Variants in MAP3K3 observed in about 807,000 individuals in gnomAD.
The protein encoded by MAP3K3 is MAP/ERK kinase kinase 3.
Under a neutral mutation model 80.9 loss-of-function variants are expected in MAP3K3, and 12 were observed. The ratio of observed to expected loss-of-function variants is 0.15; its 90% confidence interval spans 0.10 to 0.24. MAP3K3 has a LOEUF of 0.24. MAP3K3 is among the 10% of genes least tolerant of loss of function. The probability of loss-of-function intolerance (pLI) is 1.00; values close to 1 mark genes in which losing one functional copy is unlikely to be tolerated. For missense variants in MAP3K3, 596 were observed against 834.7 expected, an observed-to-expected ratio of 0.71 and a Z score of 3.52; for synonymous variants, 272 against 307.1, an observed-to-expected ratio of 0.89 and a Z score of 1.19.
rs141843869 is a variant in MAP3K3 at position 63,675,228 on chromosome 17, T to C, written c.503-6538T>C. 5.4e-3 allele frequency among the ~76,000 whole-genome samples: 821 copies of C among 152,000 alleles called. 5 individuals are homozygous for C. The highest frequency in any genetic ancestry group is 0.018 in the African/African-American group (750 of 41,344). The stretch of plus-strand genomic sequence containing the variant: ...TACAGAGTGTGGTCCACTGTGAGCA[T>C]ATTGGTAAATATTAGTTAAGATTTT... On this transcript the variant is annotated intron_variant, in intron 6 of 15. Coordinates refer to ENST00000361733, the MANE Select transcript of MAP3K3 (RefSeq NM_002401.5).
intron 7 of MAP3K3, among the ~76,000 whole-genome samples, chr17:63,683,992 AC>A (rs1346285709): frequency 6.6e-6 from 1 of 151,898 alleles, no homozygotes; most frequent in Non-Finnish European, 1.5e-5. Context: ...CCCTGTCTCT[AC>A]AAAAAAAAAA....
At chr17:63,644,271 A>G (rs1479882875) in intron 2 of MAP3K3, among the ~76,000 whole-genome samples, 2 of 152,136 alleles carry the variant, frequency 1.3e-5, no homozygotes, top group Admixed American at 6.5e-5. Context: ...CTGGAGTGCA[A>G]CAGCATTGTC....
chr17:63,676,137 C>T (rs1170635878), intron 6 of MAP3K3, among the ~76,000 whole-genome samples: 4 of 152,218 alleles, frequency 2.6e-5, no homozygotes, highest in Non-Finnish European at 5.9e-5. Context: ...GCACAATAGC[C>T]GCTGGCACAT....
Position 63,691,696 on chromosome 17 carries a change from C to T in MAP3K3, c.1345-37C>T. The T allele has an allele frequency of 6.2e-7, 1 of 1,603,206 alleles. No individual in the cohort carries two copies. Among genetic ancestry groups the T allele is most frequent in the Non-Finnish European group, 8.5e-7 (1 of 1,172,232 alleles). On this transcript the variant is annotated intron_variant, in intron 13 of 15. Coordinates refer to ENST00000361733, the MANE Select transcript of MAP3K3 (RefSeq NM_002401.5). This position sits in a 1 kb window ranked among gnomAD's most constrained non-coding sequence, Gnocchi z 4.8. ...TGGGCTTGCCCCTCCACCAGCCCTC[C>T]CCTGAGGGGACTCCTCTGACTTCTT...
chr17:63,626,068 C>T lies in MAP3K3; in HGVS notation c.4+3305C>T, dbSNP rs12602656. Among the ~76,000 whole-genome samples, 5 of 152,180 alleles carry T rather than the reference C, an allele frequency of 3.3e-5. No individual in the cohort carries two copies. In the East Asian group the frequency reaches 9.7e-4, roughly 29 times the overall value. On this transcript the variant is annotated intron_variant, in intron 1 of 15. Coordinates refer to ENST00000361733, the MANE Select transcript of MAP3K3 (RefSeq NM_002401.5). ...AGCCCAGGCAACAAGAGTGAGAGAC[C>T]CTGTCTCTAAAACAAAAAACAAACA...
intron 4 of MAP3K3, among the ~76,000 whole-genome samples, chr17:63,657,309 G>A (rs2034790973): frequency 6.6e-6 from 1 of 152,008 alleles, no homozygotes; most frequent in South Asian, 2.1e-4. Context: ...TGGGTACTGA[G>A]GTATGCTACA....
rs759020124 is a variant in MAP3K3 at position 63,693,786 on chromosome 17, G to A, written c.*9G>A. 1.8e-5 allele frequency: 28 copies of A among 1,591,076 alleles called. No individual in the cohort carries two copies. The East Asian group carries it at 4.9e-4, about 28-fold the overall frequency. On this transcript the variant is annotated 3_prime_UTR_variant, in exon 16 of 16. Coordinates refer to ENST00000361733, the MANE Select transcript of MAP3K3 (RefSeq NM_002401.5). The surrounding 1 kb of genome is among the most constrained non-coding windows in gnomAD (Gnocchi z 4.2). ...CACAGCTCATGTACTGAGCTCTCAC[G>A]GCCACACAGCTGCCGGTCGCCCTTT...
chr17:63,634,727 A>T lies in MAP3K3; in HGVS notation c.126+1925A>T, dbSNP rs541253213. Reference sequence around the variant, plus strand: ...TTTAAAGAAAAAACACAACAGCAGCAGCTCAGCCCTTCTGAACAGCCCCAC... The same window carrying T: ...TTTAAAGAAAAAACACAACAGCAGCTGCTCAGCCCTTCTGAACAGCCCCAC... On this transcript the variant is annotated intron_variant, in intron 2 of 15. Transcript: ENST00000361733. 1.4e-4 allele frequency: 231 copies of T among 1,613,394 alleles called. 6 individuals are homozygous for T. In the South Asian group the frequency reaches 2.2e-3, roughly 16 times the overall value.
At chr17:63,664,997 T>TGA (rs141366842) in intron 5 of MAP3K3, among the ~76,000 whole-genome samples, 3,371 of 152,202 alleles carry the variant, frequency 0.022, 128 homozygotes, top group African/African-American at 0.077. Flanking sequence ...TCTGTTGATC[T>TGA]GAGGTGTCAA....
chr17:63,665,273 C>T (rs1350896289), intron 5 of MAP3K3, among the ~76,000 whole-genome samples: 1 of 152,032 alleles, frequency 6.6e-6, no homozygotes, highest in African/African-American at 2.4e-5. Flanking sequence ...TCATGCCCTT[C>T]TTCTGCCTCA....
intron 6 of MAP3K3, among the ~76,000 whole-genome samples, chr17:63,676,610 C>T (rs1241466939): frequency 6.6e-6 from 1 of 152,174 alleles, no homozygotes; most frequent in Non-Finnish European, 1.5e-5. Context: ...CCCACTGTAG[C>T]TAGTTTCAGG....
chr17:63,670,602 A>AG, intron 6 of MAP3K3, among the ~76,000 whole-genome samples: 12 of 149,936 alleles, frequency 8.0e-5, no homozygotes, highest in African/African-American at 2.7e-4. Context: ...AAAAAAAAAA[A>AG]AAAAAAGAAA....
In MAP3K3 at chr17:63,687,564, C is replaced by G. The variant is rs192258956; in HGVS notation, c.711-963C>G. ...AATTAGCTGGGCATGGTGGCACATG[C>G]CTGTAGTCCCAGCTACTTGGGAGGC... On this transcript the variant is annotated intron_variant, in intron 8 of 15. Coordinates refer to ENST00000361733, the MANE Select transcript of MAP3K3 (RefSeq NM_002401.5). 8.5e-3 allele frequency among the ~76,000 whole-genome samples: 1,273 copies of G among 150,264 alleles called. 22 individuals are homozygous for G. The highest frequency in any genetic ancestry group is 0.029 in the African/African-American group (1,198 of 40,952).
chr17:63,674,065 G>A (rs533770115), intron 6 of MAP3K3, among the ~76,000 whole-genome samples: 37 of 150,744 alleles, frequency 2.5e-4, no homozygotes, highest in African/African-American at 9.0e-4. Context: ...AGGCAACAGA[G>A]TGAGACTCTG....
intron 2 of MAP3K3, chr17:63,636,893 C>A: frequency 2.2e-6 from 1 of 454,658 alleles, no homozygotes; most frequent in Non-Finnish European, 4.2e-6. Context: ...GACAATGAGA[C>A]CAATATAGCC....
chr17:63,666,343 A>T (rs965795384), intron 5 of MAP3K3, among the ~76,000 whole-genome samples: 13 of 152,136 alleles, frequency 8.5e-5, no homozygotes, highest in African/African-American at 3.1e-4. Flanking sequence ...TTTTAAACAT[A>T]CATATATAAG....
In MAP3K3 at chr17:63,691,932, G is replaced by A. The variant is rs369408320; in HGVS notation, c.1474+70G>A. ...AGTCTACCATTGAGTGCCTGCAGGG[G>A]CCAATCACTTAACCATTCTGAACTT... On this transcript the variant is annotated intron_variant, in intron 14 of 15. Transcript: ENST00000361733. The surrounding 1 kb of genome is among the most constrained non-coding windows in gnomAD (Gnocchi z 4.8). 1 of 1,527,448 alleles carries A rather than the reference G, an allele frequency of 6.5e-7. No individual in the cohort carries two copies. The highest frequency in any genetic ancestry group is 9.0e-7 in the Non-Finnish European group (1 of 1,110,802). 94.6% of individuals were successfully genotyped at this position (1,527,448 alleles called of 1,614,324 possible).
intron 1 of MAP3K3, among the ~76,000 whole-genome samples, chr17:63,628,664 C>T (rs2034155581): frequency 6.6e-6 from 1 of 152,126 alleles, no homozygotes; most frequent in African/African-American, 2.4e-5. Flanking sequence ...CCTGCCAATT[C>T]TATCTTTTTT....
At chr17:63,660,362 C>T (rs2034862830) in intron 5 of MAP3K3, among the ~76,000 whole-genome samples, 1 of 151,414 alleles carries the variant, frequency 6.6e-6, no homozygotes, top group Admixed American at 6.6e-5. Flanking sequence ...TGCCCCCATG[C>T]TTGGCTTTTC....
Sources: allele counts gnomAD v4.1 joint callset (sites outside exome capture counted in the v4.1 genomes callset), GRCh38; gene constraint gnomAD v4.1.1; non-coding constraint Gnocchi (gnomAD v3.1); transcripts MANE v1.5; gene names NCBI Gene and HGNC (gene_info 2026-07-23, HGNC 2026-07-21).